Variants in TUT7 observed in about 807,000 individuals in gnomAD.
TUT7 encodes terminal uridylyl transferase 7.
TUT7 carries 33 observed loss-of-function variants against 165.9 expected under a neutral mutation model. The observed-to-expected ratio is 0.20, with a 90% CI of 0.15 to 0.27. The LOEUF (loss-of-function observed/expected upper bound fraction) is 0.27, where lower values mean the gene tolerates loss of function less well. Ranked by LOEUF, TUT7 falls within the 10% of genes least tolerant of loss-of-function variation. The probability of loss-of-function intolerance (pLI) is 1.00; values close to 1 mark genes in which losing one functional copy is unlikely to be tolerated. For missense variants in TUT7, 1,338 were observed against 1,762.3 expected, an observed-to-expected ratio of 0.76 and a Z score of 4.31; for synonymous variants, 552 against 608.1, an observed-to-expected ratio of 0.91 and a Z score of 1.36.
intron 26 of TUT7, among the ~76,000 whole-genome samples, chr9:86,294,875 A>T (rs1826179901): frequency 6.6e-6 from 1 of 151,876 alleles, no homozygotes; most frequent in South Asian, 2.1e-4. Context: ...ATAAAAAAAA[A>T]AAGTAATTTT....
At chr9:86,353,827 C>A (rs1347547422) in intron 1 of TUT7, among the ~76,000 whole-genome samples, 2 of 152,180 alleles carry the variant, frequency 1.3e-5, no homozygotes, top group East Asian at 1.9e-4. Context: ...GGTTTCCGAT[C>A]AAGGGACAAC....
In TUT7 at chr9:86,301,902, C is replaced by T. The variant is rs539751665; in HGVS notation, c.4095-301G>A. ...ACTTTGACACTGATGTAATGAAAGG[C>T]AAATCATCCATGGAGTGATTTCTTG... On this transcript the variant is annotated intron_variant, in intron 25 of 26. Transcript: ENST00000375963. The T allele has an allele frequency of 7.2e-5, 69 of 962,520 alleles. No homozygotes were observed. In the African/African-American group the frequency reaches 1.2e-3, roughly 17 times the overall value. The allele number at this position is 962,520 out of a possible 1,614,324, so 59.6% of individuals were successfully genotyped here.
intron 2 of TUT7, among the ~76,000 whole-genome samples, chr9:86,348,643 C>T (rs1308211613): frequency 1.3e-5 from 2 of 152,090 alleles, no homozygotes; most frequent in African/African-American, 2.4e-5. Context: ...GTCCCAGCTA[C>T]TCAGGAGGCT....
intron 10 of TUT7, among the ~76,000 whole-genome samples, chr9:86,331,095 T>A (rs1200244826): frequency 6.6e-6 from 1 of 152,176 alleles, no homozygotes; most frequent in African/African-American, 2.4e-5. Context: ...AATGTCCCAC[T>A]TGAATTCCTC....
chr9:86,351,479 A>G (rs1442580174), intron 2 of TUT7, among the ~76,000 whole-genome samples: 1 of 152,212 alleles, frequency 6.6e-6, no homozygotes, highest in Non-Finnish European at 1.5e-5. Context: ...GACAACTAGA[A>G]GTATCTGTGA....
chr9:86,352,629 T>A (rs1344611990), intron 2 of TUT7, 51 bp downstream of exon 2: 11 of 1,600,988 alleles, frequency 6.9e-6, no homozygotes, highest in Non-Finnish European at 9.4e-6. Flanking sequence ...TGAAAAAGAA[T>A]AAAACATTGC....
chr9:86,288,611 G>T lies in TUT7; in HGVS notation c.*66C>A. ...TCTACACTGCTGTGTCCTGTGAAAT[G>T]AACCTAATTTTCCGAGTGAATAGGA... On this transcript the variant is annotated 3_prime_UTR_variant, in exon 27 of 27. Coordinates refer to ENST00000375963, the MANE Select transcript of TUT7 (RefSeq NM_024617.4). The T allele has an allele frequency of 3.2e-6, 4 of 1,255,104 alleles. No homozygotes were observed. Among genetic ancestry groups the T allele is most frequent in the South Asian group, 1.2e-5 (1 of 82,318 alleles). 77.7% of individuals were successfully genotyped at this position (1,255,104 alleles called of 1,614,324 possible).
At chr9:86,319,126 C>T in intron 15 of TUT7, 68 bp from the exon 16 acceptor site, 1 of 1,115,518 alleles carries the variant, frequency 9.0e-7, no homozygotes, top group Non-Finnish European at 1.3e-6. Flanking sequence ...CAAAATGGCC[C>T]TCTCATGAAT....
chr9:86,310,682 CA>C, intron 18 of TUT7, 23 bp downstream of exon 18: 2 of 1,401,084 alleles, frequency 1.4e-6, no homozygotes, highest in East Asian at 2.3e-5. Context: ...CCTCTCTAAA[CA>C]AAAAGCCTGA....
At chr9:86,330,030 C>T (rs1310757827) in intron 10 of TUT7, among the ~76,000 whole-genome samples, 1 of 152,036 alleles carries the variant, frequency 6.6e-6, no homozygotes, top group Non-Finnish European at 1.5e-5. Context: ...TGTATAAATT[C>T]GAGGGCAAGA....
chr9:86,350,476 ACAAAT>A (rs2131620323), intron 2 of TUT7, among the ~76,000 whole-genome samples: 1 of 152,396 alleles, frequency 6.6e-6, no homozygotes, highest in East Asian at 1.9e-4. Context: ...AAAGAAAAAC[ACAAAT>A]CAAAAGCCCA....
intron 12 of TUT7, among the ~76,000 whole-genome samples, chr9:86,324,184 C>A (rs1490603726): frequency 6.6e-6 from 1 of 152,106 alleles, no homozygotes; most frequent in Non-Finnish European, 1.5e-5. Flanking sequence ...GAAGGGAACC[C>A]ATTCTGTTCA....
At chr9:86,348,186 C>G (rs1359171395) in intron 2 of TUT7, among the ~76,000 whole-genome samples, 1 of 152,202 alleles carries the variant, frequency 6.6e-6, no homozygotes, top group Admixed American at 6.5e-5. Flanking sequence ...AGTAACTTCT[C>G]TCTTCCTCCA....
At chr9:86,344,002 C>T (rs2131584920) in intron 5 of TUT7, among the ~76,000 whole-genome samples, 1 of 152,226 alleles carries the variant, frequency 6.6e-6, no homozygotes, top group South Asian at 2.1e-4. Context: ...TAAAAATCAT[C>T]AGAATTACAA....
chr9:86,316,723 AT>A (rs1469798886), intron 17 of TUT7, among the ~76,000 whole-genome samples: 3 of 152,188 alleles, frequency 2.0e-5, no homozygotes, highest in Non-Finnish European at 4.4e-5. Flanking sequence ...CGCATACAAG[AT>A]TTTAAAAAGA....
chr9:86,298,762 C>T (rs1274087906), intron 26 of TUT7: 8 of 984,054 alleles, frequency 8.1e-6, no homozygotes, highest in African/African-American at 1.7e-5. Context: ...TTAAAACCCA[C>T]ATACCTGACT....
At chr9:86,290,153 A>G (rs958992451) in intron 26 of TUT7, among the ~76,000 whole-genome samples, 1 of 152,228 alleles carries the variant, frequency 6.6e-6, no homozygotes, top group Non-Finnish European at 1.5e-5. Flanking sequence ...AGTACTTGGT[A>G]CTAGAAAATG....
intron 16 of TUT7, among the ~76,000 whole-genome samples, chr9:86,318,171 T>C (rs973377377): frequency 1.3e-5 from 2 of 152,240 alleles, no homozygotes; most frequent in Non-Finnish European, 2.9e-5. Context: ...TTTAAAAGAA[T>C]AGGGACTCAG....
Position 86,305,889 on chromosome 9 carries a change from C to T in TUT7, c.3839-650G>A, listed in dbSNP as rs186385140. ...TCTGCATCTGAAACATCTTAGATAG[C>T]TGTATATAGGATATGTTTTGGAATA... On this transcript the variant is annotated intron_variant, in intron 22 of 26. Transcript: ENST00000375963. 1.4e-3 allele frequency among the ~76,000 whole-genome samples: 218 copies of T among 152,166 alleles called. 2 individuals are homozygous for T. Among genetic ancestry groups the T allele is most frequent in the Non-Finnish European group, 2.3e-3 (155 of 68,010 alleles).
Sources: allele counts gnomAD v4.1 joint callset (sites outside exome capture counted in the v4.1 genomes callset), GRCh38; gene constraint gnomAD v4.1.1; transcripts MANE v1.5; gene names NCBI Gene and HGNC (gene_info 2026-07-23, HGNC 2026-07-21).